Variants in PPFIBP2 observed in about 807,000 individuals in gnomAD.
PPFIBP2 encodes the protein liprin-beta-2.
In PPFIBP2, 118 loss-of-function variants were observed where a neutral mutation model predicts 118.3. That is an observed-to-expected ratio of 1.00 (90% CI 0.86 to 1.16). PPFIBP2 has a LOEUF of 1.16. Ranked by LOEUF, PPFIBP2 falls within the 50% of genes most tolerant of loss-of-function variation. The pLI is 0.00. For missense variants in PPFIBP2, 1,195 were observed against 1,073.1 expected, an observed-to-expected ratio of 1.11 and a Z score of -1.59; for synonymous variants, 414 against 397.4, an observed-to-expected ratio of 1.04 and a Z score of -0.50.
intron 21 of PPFIBP2, 136 bp from the exon 22 acceptor site, chr11:7,650,704 G>T: frequency 1.2e-6 from 1 of 825,730 alleles, no homozygotes; most frequent in Middle Eastern, 4.2e-4. Context: ...GGCAGATGGG[G>T]TGGGTCACTA....
At chr11:7,597,783 G>A in intron 5 of PPFIBP2, 110 bp downstream of exon 5, 1 of 917,976 alleles carries the variant, frequency 1.1e-6, no homozygotes, top group Non-Finnish European at 1.7e-6. Context: ...ATCCTGCCTG[G>A]GGGCGGGATT....
At chr11:7,549,707 G>A (rs1033950629) in intron 2 of PPFIBP2, among the ~76,000 whole-genome samples, 168 bp downstream of exon 2, 5 of 147,988 alleles carry the variant, frequency 3.4e-5, no homozygotes, top group African/African-American at 1.3e-4. Flanking sequence ...TCTTTGATAC[G>A]AACTTATACA....
chr11:7,540,569 A>G (rs1851673765), intron 1 of PPFIBP2, among the ~76,000 whole-genome samples: 1 of 152,164 alleles, frequency 6.6e-6, no homozygotes, highest in African/African-American at 2.4e-5. Context: ...GTAGGGGAAC[A>G]TGCTGCAACC....
chr11:7,529,553 G>C (rs1294251158), intron 1 of PPFIBP2, among the ~76,000 whole-genome samples: 1 of 152,154 alleles, frequency 6.6e-6, no homozygotes, highest in Non-Finnish European at 1.5e-5. Context: ...GGGCTCTCTT[G>C]ATGCCAGTGC....
At chr11:7,534,624 C>T (rs544648093) in intron 1 of PPFIBP2, among the ~76,000 whole-genome samples, 1 of 152,280 alleles carries the variant, frequency 6.6e-6, no homozygotes, top group Admixed American at 6.5e-5. Context: ...GCATGAGGCT[C>T]TCTGTCTGCT....
chr11:7,551,352 T>G (rs1055455323), intron 2 of PPFIBP2, among the ~76,000 whole-genome samples: 1 of 152,186 alleles, frequency 6.6e-6, no homozygotes, highest in African/African-American at 2.4e-5. Context: ...CAGGGAGGGA[T>G]GAAAATACTA....
rs371521340 is a variant in PPFIBP2 at position 7,597,605 on chromosome 11, C to T, written c.418C>T (p.Arg140Ter). Residue 140 changes from arginine (R) to a stop codon, truncating the protein, a stop_gained, in exon 5 of 24, where the codon CGA becomes TGA. Transcript: ENST00000299492. LOFTEE classifies it high-confidence loss of function. ...AGTAGAAGCCCAGGGAGAAAAGATT[C>T]GAGACCTGGAAGTGTGTCTGGAAGG... Reference protein sequence around the residue: ...DQVEAQGEKIRDLEVCLEGHQ... With the variant: ...DQVEAQGEKI The T allele has an allele frequency of 8.4e-5, 136 of 1,613,992 alleles. No homozygotes were observed. The highest frequency in any genetic ancestry group is 1.1e-4 in the Non-Finnish European group (125 of 1,179,992).
intron 3 of PPFIBP2, chr11:7,577,320 C>CGTGTGTGTGTGCGTGT (rs1554958704): frequency 1.4e-5 from 3 of 219,716 alleles, no homozygotes; most frequent in South Asian, 7.5e-5. Flanking sequence ...CATGTATGTG[C>CGTGTGTGTGTGCGTGT]GTGTGTGTGT....
chr11:7,625,093 T>C (rs1849809351), intron 7 of PPFIBP2, among the ~76,000 whole-genome samples: 2 of 152,200 alleles, frequency 1.3e-5, no homozygotes, highest in Non-Finnish European at 2.9e-5. Flanking sequence ...TGTGCAAATA[T>C]GAATGTATGT....
intron 7 of PPFIBP2, among the ~76,000 whole-genome samples, chr11:7,624,917 T>G (rs1483141556): frequency 6.6e-6 from 1 of 152,144 alleles, no homozygotes; most frequent in Non-Finnish European, 1.5e-5. Flanking sequence ...AGAATCAAGG[T>G]TTGTTTGACT....
rs114238047 is a variant in PPFIBP2 at position 7,641,352 on chromosome 11, C to T, written c.1376-127C>T. Reference sequence around the variant, plus strand: ...GTCTCTGGGATCTTGGTATGGAGTTCTGCCCTGAAGGCAGAACTGGGCAGA... The same window carrying T: ...GTCTCTGGGATCTTGGTATGGAGTTTTGCCCTGAAGGCAGAACTGGGCAGA... On this transcript the variant is annotated intron_variant, in intron 15 of 23. Transcript: ENST00000299492. 1.4e-3 allele frequency: 1,476 copies of T among 1,089,836 alleles called. 10 individuals are homozygous for T. In the African/African-American group the frequency reaches 0.02, roughly 14 times the overall value. 67.5% of individuals were successfully genotyped at this position (1,089,836 alleles called of 1,614,324 possible). A position where few individuals can be genotyped will look rare whatever the true frequency, so the allele number is the denominator to read the frequency against.
chr11:7,647,029 G>C (rs1020746790), intron 17 of PPFIBP2, among the ~76,000 whole-genome samples: 5 of 152,030 alleles, frequency 3.3e-5, no homozygotes, highest in African/African-American at 1.2e-4. Flanking sequence ...GAAAGCCCAG[G>C]TTCCAGATTA....
At chr11:7,606,370 T>C (rs939728631) in intron 5 of PPFIBP2, among the ~76,000 whole-genome samples, 1 of 152,204 alleles carries the variant, frequency 6.6e-6, no homozygotes, top group Non-Finnish European at 1.5e-5. Flanking sequence ...TTCATAATAG[T>C]GGCTACGGGC....
At chr11:7,643,266 G>A (rs1590771151) in intron 17 of PPFIBP2, among the ~76,000 whole-genome samples, 1 of 152,190 alleles carries the variant, frequency 6.6e-6, no homozygotes, top group African/African-American at 2.4e-5. Context: ...TCAAGCTATA[G>A]TAAGCTTGAA....
intron 2 of PPFIBP2, among the ~76,000 whole-genome samples, chr11:7,551,313 A>G (rs1299853630): frequency 6.6e-6 from 1 of 152,160 alleles, no homozygotes; most frequent in Non-Finnish European, 1.5e-5. Flanking sequence ...AGACTGAGCG[A>G]GTCCCTGGCA....
chr11:7,519,424 G>C (rs758344121), intron 1 of PPFIBP2, among the ~76,000 whole-genome samples: 1 of 152,188 alleles, frequency 6.6e-6, no homozygotes, highest in Non-Finnish European at 1.5e-5. Context: ...TTCTTCGGTC[G>C]TTGGCAATAC....
chr11:7,555,244 A>AAC (rs1853468665), intron 2 of PPFIBP2, among the ~76,000 whole-genome samples: 1 of 152,092 alleles, frequency 6.6e-6, no homozygotes, highest in African/African-American at 2.4e-5. Flanking sequence ...GCATGAGGTT[A>AAC]CTCATGCAGT....
At chr11:7,656,669 G>A (rs909207509), downstream of PPFIBP2, 12 of 1,234,834 alleles carry the variant, frequency 9.7e-6, no homozygotes, top group Middle Eastern at 4.3e-4. Context: ...TGCAGCTGCC[G>A]CAGGGCAGCC....
chr11:7,550,756 G>A (rs1371977856), intron 2 of PPFIBP2, among the ~76,000 whole-genome samples: 1 of 152,192 alleles, frequency 6.6e-6, no homozygotes, highest in Non-Finnish European at 1.5e-5. Flanking sequence ...TCAGTGGACT[G>A]GGGAAGGCAG....
Sources: allele counts gnomAD v4.1 joint callset (sites outside exome capture counted in the v4.1 genomes callset), GRCh38; gene constraint gnomAD v4.1.1; transcripts MANE v1.5; gene names NCBI Gene and HGNC (gene_info 2026-07-23, HGNC 2026-07-21).